The following MYRIP variants were observed in gnomAD, a reference collection of about 807,000 sequenced individuals.
The protein encoded by MYRIP is rab effector MyRIP.
In MYRIP, 49 loss-of-function variants were observed where a neutral mutation model predicts 98.0. The observed-to-expected ratio is 0.50, with a 90% CI of 0.40 to 0.63. The LOEUF (loss-of-function observed/expected upper bound fraction) is 0.63, where lower values mean the gene tolerates loss of function less well. MYRIP is among the 30% of genes least tolerant of loss of function. The pLI, the probability that MYRIP is intolerant of heterozygous loss-of-function variation, is 0.00. For synonymous variants in MYRIP, 404 were observed against 409.5 expected, an observed-to-expected ratio of 0.99 and a Z score of 0.16; for missense variants, 1,004 against 1,058.2, an observed-to-expected ratio of 0.95 and a Z score of 0.71.
chr3:39,868,177 G>A (rs1408269427), intron 1 of MYRIP, among the ~76,000 whole-genome samples: 1 of 152,202 alleles, frequency 6.6e-6, no homozygotes, highest in Non-Finnish European at 1.5e-5. Context: ...AGCATGGGAG[G>A]TAGAAAGCAA....
At chr3:40,084,484 GGT>G in intron 3 of MYRIP, among the ~76,000 whole-genome samples, 1 of 36,642 alleles carries the variant, frequency 2.7e-5, no homozygotes, top group Non-Finnish European at 6.1e-5. Flanking sequence ...ATTATCTATC[GGT>G]AGATAATACA....
At chr3:40,048,533 C>G (rs545621438) in intron 3 of MYRIP, among the ~76,000 whole-genome samples, 4 of 152,000 alleles carry the variant, frequency 2.6e-5, no homozygotes, top group Non-Finnish European at 5.9e-5. Context: ...ATGAGAGAGT[C>G]GGATTAGAAA....
At position 39,819,284 on chromosome 3, in the gene MYRIP, G is replaced by A. The variant is rs372065934; in HGVS notation, c.-31+9368G>A. Reference sequence around the variant, plus strand: ...AATTGCTTGAACTCAGGAAGCAGAGGTTGCAGTGAGCCGAGATTGAGCCAT... The same window carrying A: ...AATTGCTTGAACTCAGGAAGCAGAGATTGCAGTGAGCCGAGATTGAGCCAT... On this transcript the variant is annotated intron_variant, in intron 1 of 16. Transcript: ENST00000302541. 5.1e-4 allele frequency among the ~76,000 whole-genome samples: 78 copies of A among 152,172 alleles called. 2 individuals are homozygous for A. The South Asian group carries it at 0.016, about 30-fold the overall frequency.
chr3:40,165,051 T>C (rs1950474708), intron 5 of MYRIP, among the ~76,000 whole-genome samples: 1 of 152,204 alleles, frequency 6.6e-6, no homozygotes. Context: ...TTTGTAGATC[T>C]TTTCTGTGAA....
intron 2 of MYRIP, among the ~76,000 whole-genome samples, chr3:39,934,121 A>C (rs9856876): frequency 0.46 from 70,473 of 151,930 alleles, 16,912 homozygotes; most frequent in African/African-American, 0.58. Context: ...CATGCACTGG[A>C]TAATGTTGTG....
chr3:39,979,592 C>T (rs964052135), intron 2 of MYRIP, among the ~76,000 whole-genome samples: 4 of 150,556 alleles, frequency 2.7e-5, no homozygotes, highest in Non-Finnish European at 4.4e-5. Flanking sequence ...GAGCCAAGAT[C>T]GCACCATTGC....
At position 40,244,546 on chromosome 3, in the gene MYRIP, T is replaced by G; in HGVS notation, c.2201T>G (p.Leu734Arg). 1 of 1,614,114 alleles carries G rather than the reference T, an allele frequency of 6.2e-7. No individual in the cohort carries two copies. The highest frequency in any genetic ancestry group is 8.5e-7 in the Non-Finnish European group (1 of 1,179,962). Residue 734 changes from leucine (L) to arginine (R), a missense_variant, in exon 13 of 17, where the codon CTG becomes CGG. This residue lies in a region of MYRIP where 880 missense variants were observed against 907.7 expected (regional missense o/e 0.97). Transcript: ENST00000302541. ...CACAGTGGCACTGATGAGACCCATC[T>G]GGCGGATCTGGAGGACCAGGTGGCC... Reference protein sequence around the residue: ...CIHSGTDETHLADLEDQVATA... With the variant: ...CIHSGTDETHRADLEDQVATA...
At chr3:39,975,274 T>A (rs1945717457) in intron 2 of MYRIP, among the ~76,000 whole-genome samples, 2 of 152,068 alleles carry the variant, frequency 1.3e-5, no homozygotes, top group Admixed American at 1.3e-4. Flanking sequence ...GAGAGCCAAA[T>A]CATGAGTGAA....
chr3:39,999,731 G>A (rs1005873329), intron 2 of MYRIP, among the ~76,000 whole-genome samples: 2 of 152,128 alleles, frequency 1.3e-5, no homozygotes, highest in African/African-American at 2.4e-5. Flanking sequence ...GCACACATAT[G>A]TTTATTGCAG....
chr3:39,822,194 A>G (rs1315057997), intron 1 of MYRIP, among the ~76,000 whole-genome samples: 1 of 152,198 alleles, frequency 6.6e-6, no homozygotes, highest in Non-Finnish European at 1.5e-5. Context: ...TTGACATATA[A>G]TAATTATACA....
In MYRIP at chr3:40,259,372, G is replaced by A. The variant is rs1162387732; in HGVS notation, c.*1206G>A. Reference sequence around the variant, plus strand: ...GATATAGTCTGAATCTTAGGAAGAAGGTAAAAGAAAGGAGGCAAGAGAATA... The same window carrying A: ...GATATAGTCTGAATCTTAGGAAGAAAGTAAAAGAAAGGAGGCAAGAGAATA... On this transcript the variant is annotated 3_prime_UTR_variant, in exon 17 of 17. Transcript: ENST00000302541. 1 of 152,154 alleles carries A rather than the reference G, an allele frequency of 6.6e-6. No individual in the cohort carries two copies. Among genetic ancestry groups the A allele is most frequent in the Non-Finnish European group, 1.5e-5 (1 of 68,026 alleles). The allele number at this position is 152,154 out of a possible 1,614,324, so 9.4% of individuals were successfully genotyped here.
chr3:40,112,353 C>T (rs571397464), intron 3 of MYRIP, among the ~76,000 whole-genome samples: 58 of 152,240 alleles, frequency 3.8e-4, no homozygotes, highest in African/African-American at 1.3e-3. Context: ...CACGTTGGCC[C>T]TAACAGTGTT....
At chr3:40,045,046 T>C (rs1156539321) in intron 3 of MYRIP, among the ~76,000 whole-genome samples, 1 of 152,192 alleles carries the variant, frequency 6.6e-6, no homozygotes, top group Non-Finnish European at 1.5e-5. Flanking sequence ...TCGTATTTGC[T>C]GCATGCTTCC....
At chr3:39,843,726 A>G (rs1158643998) in intron 1 of MYRIP, among the ~76,000 whole-genome samples, 1 of 152,212 alleles carries the variant, frequency 6.6e-6, no homozygotes, top group Non-Finnish European at 1.5e-5. Context: ...CTAAGTGTCT[A>G]TTCCAGGAAG....
intron 10 of MYRIP, among the ~76,000 whole-genome samples, chr3:40,191,629 T>G (rs141120855): frequency 1.3e-5 from 2 of 152,304 alleles, no homozygotes; most frequent in Non-Finnish European, 2.9e-5. Flanking sequence ...GTCATAGAAT[T>G]TGGTATCAGT....
chr3:40,063,167 G>T (rs1324084252), intron 3 of MYRIP, among the ~76,000 whole-genome samples: 1 of 152,094 alleles, frequency 6.6e-6, no homozygotes, highest in African/African-American at 2.4e-5. Context: ...AAAAGACAAA[G>T]GCTGAGAAAA....
intron 1 of MYRIP, among the ~76,000 whole-genome samples, chr3:39,868,359 A>C (rs796534848): frequency 1.3e-5 from 2 of 152,216 alleles, no homozygotes; most frequent in South Asian, 4.1e-4. Flanking sequence ...TTGTGAGGCC[A>C]TCCTCAGAGG....
At chr3:40,069,233 A>G (rs1477695099) in intron 3 of MYRIP, among the ~76,000 whole-genome samples, 2 of 152,054 alleles carry the variant, frequency 1.3e-5, no homozygotes, top group Non-Finnish European at 1.5e-5. Context: ...ATATCCTGGC[A>G]GTGGTTGTAC....
chr3:40,167,834 C>A (rs1950529505), intron 7 of MYRIP, among the ~76,000 whole-genome samples: 1 of 152,134 alleles, frequency 6.6e-6, no homozygotes. Context: ...ATAAAGGGTA[C>A]AGGTGAACGG....
Sources: allele counts gnomAD v4.1 joint callset (sites outside exome capture counted in the v4.1 genomes callset), GRCh38; gene constraint gnomAD v4.1.1; regional missense constraint gnomAD v4.1.1; transcripts MANE v1.5; gene names NCBI Gene and HGNC (gene_info 2026-07-23, HGNC 2026-07-21).